Variants in PHF21A observed in about 807,000 individuals in gnomAD.
PHF21A encodes the protein PHD finger protein 21A.
In PHF21A, 11 loss-of-function variants were observed where a neutral mutation model predicts 82.5. The observed-to-expected ratio is 0.13, with a 90% CI of 0.08 to 0.22. The LOEUF is 0.22. Among genes scored for constraint, PHF21A ranks in the 10% least tolerant of loss-of-function variants. The pLI is 1.00. For synonymous variants in PHF21A, 297 were observed against 302.8 expected (o/e 0.98, Z 0.20); for missense variants, 579 against 837.8 (o/e 0.69, Z 3.81).
chr11:46,058,635 A>T (rs1357027560), intron 6 of PHF21A, among the ~76,000 whole-genome samples: 3 of 152,210 alleles, frequency 2.0e-5, no homozygotes, highest in Non-Finnish European at 4.4e-5. Flanking sequence ...CTAGAGAGCA[A>T]TTAGGTAACA....
intron 6 of PHF21A, among the ~76,000 whole-genome samples, chr11:46,043,098 T>G (rs2096185160): frequency 6.6e-6 from 1 of 152,072 alleles, no homozygotes; most frequent in Non-Finnish European, 1.5e-5. Flanking sequence ...AATTTTAATT[T>G]TGTGAGGATA....
rs544505984 is a variant in PHF21A, at chr11:46,114,541, T to C, written c.-237+6394A>G. Among the ~76,000 whole-genome samples, 187 of 152,314 alleles carry C rather than the reference T, an allele frequency of 1.2e-3. 4 individuals are homozygous for C. The highest frequency in any genetic ancestry group is 6.0e-4 in the Non-Finnish European group (41 of 68,038). On this transcript the variant is annotated intron_variant, in intron 1 of 18. Coordinates refer to ENST00000676320, the MANE Select transcript of PHF21A (RefSeq NM_001352027.3). ...TCACCATAAAAGTGACGGGCTACTATAAAGGATTTGAAGCTTCGTCAATAC... is the reference window on the plus strand; with the variant it reads ...TCACCATAAAAGTGACGGGCTACTACAAAGGATTTGAAGCTTCGTCAATAC...
chr11:45,978,974 G>C (rs1286496451), intron 7 of PHF21A, among the ~76,000 whole-genome samples: 1 of 151,438 alleles, frequency 6.6e-6, no homozygotes, highest in African/African-American at 2.4e-5. Context: ...TATAAATATG[G>C]GCTTAAAAAT....
intron 10 of PHF21A, among the ~76,000 whole-genome samples, chr11:45,957,106 G>A (rs554084303): frequency 6.8e-4 from 104 of 152,226 alleles, no homozygotes; most frequent in African/African-American, 2.4e-3. Context: ...AATCATATAT[G>A]TACCAGACAA....
At chr11:46,067,163 T>C (rs2096604178) in intron 6 of PHF21A, among the ~76,000 whole-genome samples, 1 of 152,174 alleles carries the variant, frequency 6.6e-6, no homozygotes, top group African/African-American at 2.4e-5. Context: ...TTGTGGGGAT[T>C]TCTGTACTAT....
At chr11:45,945,763 T>C (rs2091194950) in intron 15 of PHF21A, 77 bp downstream of exon 15, 1 of 1,250,860 alleles carries the variant, frequency 8.0e-7, no homozygotes. Flanking sequence ...TGCAAGTCGA[T>C]AAGGAGACAA....
intron 1 of PHF21A, among the ~76,000 whole-genome samples, chr11:46,112,430 G>A (rs188471320): frequency 1.6e-4 from 24 of 152,150 alleles, no homozygotes; most frequent in African/African-American, 5.3e-4. Flanking sequence ...TGCTAGGTAC[G>A]GTCATAGATT....
intron 6 of PHF21A, among the ~76,000 whole-genome samples, chr11:46,033,723 G>A (rs1419942767): frequency 6.6e-6 from 1 of 152,214 alleles, no homozygotes; most frequent in East Asian, 1.9e-4. Context: ...CTCAAGCTGA[G>A]ATGTGCTGCA....
At chr11:46,097,103 A>G (rs896578211) in intron 1 of PHF21A, among the ~76,000 whole-genome samples, 4 of 152,054 alleles carry the variant, frequency 2.6e-5, no homozygotes, top group African/African-American at 9.7e-5. Context: ...CCCTGGTCCA[A>G]GTCACCTTCA....
chr11:45,997,374 T>C (rs2136900358), intron 6 of PHF21A, among the ~76,000 whole-genome samples: 1 of 152,330 alleles, frequency 6.6e-6, no homozygotes, highest in South Asian at 2.1e-4. Flanking sequence ...ACTATACTTC[T>C]TAAAATCCAA....
chr11:46,021,529 C>G (rs542601433), intron 6 of PHF21A, among the ~76,000 whole-genome samples: 3 of 151,850 alleles, frequency 2.0e-5, no homozygotes, highest in African/African-American at 7.3e-5. Flanking sequence ...CATGTGTGTG[C>G]GTGCATGTGT....
intron 6 of PHF21A, among the ~76,000 whole-genome samples, chr11:46,018,631 T>C (rs2095566232): frequency 6.6e-6 from 1 of 152,194 alleles, no homozygotes; most frequent in Non-Finnish European, 1.5e-5. Flanking sequence ...ATGGAAGAGA[T>C]TCCATACAGG....
At chr11:46,097,578 A>C (rs974405405) in intron 1 of PHF21A, among the ~76,000 whole-genome samples, 1 of 152,170 alleles carries the variant, frequency 6.6e-6, no homozygotes, top group African/African-American at 2.4e-5. Context: ...CCCAACTTTT[A>C]CTTATGCTCT....
At chr11:46,111,554 T>C (rs2097214397) in intron 1 of PHF21A, among the ~76,000 whole-genome samples, 1 of 152,176 alleles carries the variant, frequency 6.6e-6, no homozygotes, top group Non-Finnish European at 1.5e-5. Context: ...GCAACAATAT[T>C]GTAAGAACTC....
At chr11:46,054,948 A>C (rs1365330659) in intron 6 of PHF21A, among the ~76,000 whole-genome samples, 2 of 152,202 alleles carry the variant, frequency 1.3e-5, no homozygotes, top group African/African-American at 4.8e-5. Context: ...TCATTTGATA[A>C]GCATACCTAA....
At chr11:46,084,861 T>C (rs1304048378) in intron 3 of PHF21A, among the ~76,000 whole-genome samples, 1 of 152,092 alleles carries the variant, frequency 6.6e-6, no homozygotes, top group Non-Finnish European at 1.5e-5. Flanking sequence ...TTTATATTTT[T>C]AATAGAGACG....
At chr11:45,934,315 C>T (rs1347942225) in intron 18 of PHF21A, 90 bp from the exon 19 acceptor site, 1 of 1,319,600 alleles carries the variant, frequency 7.6e-7, no homozygotes, top group Non-Finnish European at 1.0e-6. Flanking sequence ...TCTCTCTGCC[C>T]AGGGAGAAGA....
intron 6 of PHF21A, among the ~76,000 whole-genome samples, chr11:46,014,849 G>A (rs113460975): frequency 1.0e-5 from 1 of 97,826 alleles, no homozygotes; most frequent in Non-Finnish European, 1.8e-5. Context: ...GCGTAGTGGC[G>A]GGCGCCTGTA....
intron 6 of PHF21A, among the ~76,000 whole-genome samples, chr11:46,013,569 GAC>G (rs1053444461): frequency 2.0e-5 from 3 of 152,170 alleles, no homozygotes; most frequent in African/African-American, 7.2e-5. Context: ...ATCTAAAGTA[GAC>G]ACAGTCATGT....
Sources: gnomAD v4.1 joint callset for allele counts (sites outside exome capture counted in the v4.1 genomes callset) on GRCh38, gnomAD v4.1.1 for gene constraint, MANE v1.5 for transcripts, NCBI Gene and HGNC (gene_info 2026-07-23, HGNC 2026-07-21) for gene names.